Variants in MRE11 observed in about 807,000 individuals in gnomAD.
MRE11 encodes MRE11 double strand break repair nuclease.
MRE11 carries 62 observed loss-of-function variants against 91.7 expected under a neutral mutation model. The observed-to-expected ratio is 0.68, with a 90% CI of 0.55 to 0.84. The LOEUF (loss-of-function observed/expected upper bound fraction) is 0.84, where lower values mean the gene tolerates loss of function less well. MRE11 is among the 40% of genes least tolerant of loss of function. The pLI is 0.00. For missense variants in MRE11, 796 were observed against 852.9 expected (o/e 0.93, Z 0.83); for synonymous variants, 273 against 271.4 (o/e 1.01, Z -0.06).
At chr11:94,446,819 A>T (rs2134903593) in intron 15 of MRE11, among the ~76,000 whole-genome samples, 1 of 152,358 alleles carries the variant, frequency 6.6e-6, no homozygotes, top group African/African-American at 2.4e-5. Flanking sequence ...ACAGTAACAA[A>T]AATAATAATT....
intron 8 of MRE11, 24 bp downstream of exon 8, chr11:94,471,550 T>G: frequency 6.2e-7 from 1 of 1,608,988 alleles, no homozygotes; most frequent in Non-Finnish European, 8.5e-7. Flanking sequence ...TCTTAAAAAT[T>G]GGCTCAAAAT....
intron 4 of MRE11, among the ~76,000 whole-genome samples, chr11:94,483,404 T>C: frequency 6.6e-6 from 1 of 152,140 alleles, no homozygotes; most frequent in East Asian, 1.9e-4. Context: ...TCCCACGTGT[T>C]ATGGGAGGGG....
At position 94,459,414 on chromosome 11, in the gene MRE11, A is replaced by G. The variant is rs761546825; in HGVS notation, c.1494T>C (p.Asp498=). 3 of 1,613,930 alleles carry G rather than the reference A, an allele frequency of 1.9e-6. No homozygotes were observed. Among genetic ancestry groups the G allele is most frequent in the Non-Finnish European group, 2.5e-6 (3 of 1,179,880 alleles). The stretch of plus-strand genomic sequence containing the variant: ...ACTCAAATTAGTTACTTACCTCCTC[A>G]TCGATTTTGTCTTCGAGGGCATCAA... ...RHIDALEDKI[D]EEVRRFRETR... The change falls in exon 13 of 20, where the codon GAT becomes GAC. Residue 498 remains aspartate (D), a synonymous_variant. Coordinates refer to ENST00000323929, the MANE Select transcript of MRE11 (RefSeq NM_005591.4).
At chr11:94,488,314 T>C in intron 3 of MRE11, among the ~76,000 whole-genome samples, 1 of 152,100 alleles carries the variant, frequency 6.6e-6, no homozygotes, top group South Asian at 2.1e-4. Context: ...CAGATGCTGG[T>C]GAAATTACGG....
At chr11:94,475,356 T>A (rs193122585) in intron 7 of MRE11, 2 of 295,644 alleles carry the variant, frequency 6.8e-6, no homozygotes, top group African/African-American at 4.3e-5. Flanking sequence ...ATGCAAATGC[T>A]ATACCATTTT....
upstream of MRE11, chr11:94,498,222 T>C (rs755464569): frequency 6.2e-7 from 1 of 1,614,162 alleles, no homozygotes; most frequent in African/African-American, 1.3e-5. Flanking sequence ...GTTCATGCAG[T>C]GACTGTGGAT....
chr11:94,456,949 T>C (rs654718), intron 13 of MRE11, among the ~76,000 whole-genome samples: 47,797 of 152,024 alleles, frequency 0.31, 7,940 homozygotes, highest in Middle Eastern at 0.42. Flanking sequence ...TCAGCACATA[T>C]TTACTGAGCA....
At chr11:94,424,340 C>G (rs1367460392) in intron 19 of MRE11, among the ~76,000 whole-genome samples, 1 of 152,136 alleles carries the variant, frequency 6.6e-6, no homozygotes, top group Non-Finnish European at 1.5e-5. Context: ...TGAAAGCACC[C>G]AGAAACAAGG....
the MRE11 span, among the ~76,000 whole-genome samples, chr11:94,506,911 A>T: frequency 6.5e-3 from 993 of 152,206 alleles, 14 homozygotes; most frequent in African/African-American, 0.023. Flanking sequence ...TGTTTTGTGC[A>T]TATTTTTTAA....
intron 2 of MRE11, among the ~76,000 whole-genome samples, chr11:94,491,954 A>AAT (rs1947294758): frequency 6.6e-6 from 1 of 152,220 alleles, no homozygotes; most frequent in African/African-American, 2.4e-5. Flanking sequence ...GTATTTTCTC[A>AAT]TGAATTCTCT....
intron 10 of MRE11, 31 bp from the exon 11 acceptor site, chr11:94,464,270 G>A (rs1444066137): frequency 1.2e-6 from 2 of 1,613,250 alleles, no homozygotes; most frequent in East Asian, 4.5e-5. Context: ...ATGAACGCTA[G>A]GAAACAACAA....
At position 94,418,015 on chromosome 11, in the gene MRE11, T is replaced by TCC. The variant is rs1945071932; in HGVS notation, c.*2108_*2109dup. ...CCTCTGAATGTTTTCATTCCTGCTC[T>TCC]CCCAAAGCCTCCAAGAGCAAATGCA... On this transcript the variant is annotated 3_prime_UTR_variant, in exon 20 of 20. Coordinates refer to ENST00000323929, the MANE Select transcript of MRE11 (RefSeq NM_005591.4). 4.3e-6 allele frequency: 1 copy of TCC among 232,960 alleles called. No individual in the cohort carries two copies. The highest frequency in any genetic ancestry group is 1.8e-4 in the South Asian group (1 of 5,528). 14.4% of individuals were successfully genotyped at this position (232,960 alleles called of 1,614,324 possible).
Position 94,434,130 on chromosome 11 carries a change from T to A in MRE11, c.1994+1702A>T, listed in dbSNP as rs143512361. On this transcript the variant is annotated intron_variant, in intron 18 of 19. Coordinates refer to ENST00000323929, the MANE Select transcript of MRE11 (RefSeq NM_005591.4). ...GAAGAAAACATTTATCTTGGTGGAT[T>A]AGCAGTGCCCTGTAATTAGCATACC... 4.6e-5 allele frequency among the ~76,000 whole-genome samples: 7 copies of A among 152,358 alleles called. No individual in the cohort carries two copies. In the East Asian group the frequency reaches 1.4e-3, roughly 29 times the overall value.
At chr11:94,478,539 C>A (rs538509371) in intron 6 of MRE11, among the ~76,000 whole-genome samples, 196 bp downstream of exon 6, 2 of 151,996 alleles carry the variant, frequency 1.3e-5, no homozygotes, top group Non-Finnish European at 2.9e-5. Context: ...TAAAAAAAAC[C>A]CAAAATAATA....
chr11:94,491,307 C>G (rs916152377), intron 2 of MRE11, among the ~76,000 whole-genome samples: 2 of 152,140 alleles, frequency 1.3e-5, no homozygotes, highest in African/African-American at 4.8e-5. Context: ...TGTTATTTAT[C>G]TGACTTCGTA....
At chr11:94,451,613 AG>A (rs1024825378) in intron 14 of MRE11, among the ~76,000 whole-genome samples, 1 of 152,132 alleles carries the variant, frequency 6.6e-6, no homozygotes, top group Non-Finnish European at 1.5e-5. Flanking sequence ...ATCCATTACC[AG>A]GGGGTAATGG....
At chr11:94,442,083 G>A (rs3017077) in intron 16 of MRE11, among the ~76,000 whole-genome samples, 47,554 of 151,194 alleles carry the variant, frequency 0.31, 7,803 homozygotes, top group Middle Eastern at 0.42. Flanking sequence ...GAGTAAAGAG[G>A]TCTTATCATT....
At chr11:94,485,212 C>A (rs1196065990) in intron 4 of MRE11, among the ~76,000 whole-genome samples, 1 of 151,740 alleles carries the variant, frequency 6.6e-6, no homozygotes, top group Non-Finnish European at 1.5e-5. Flanking sequence ...CAAGCTCATG[C>A]CACTGTACTC....
chr11:94,479,856 C>T, intron 4 of MRE11, 95 bp from the exon 5 acceptor site: 6 of 907,196 alleles, frequency 6.6e-6, no homozygotes, highest in Non-Finnish European at 1.1e-5. Flanking sequence ...CATAGGCAAA[C>T]TGCATAATCT....
Sources: allele counts gnomAD v4.1 joint callset (sites outside exome capture counted in the v4.1 genomes callset), GRCh38; gene constraint gnomAD v4.1.1; transcripts MANE v1.5; gene names NCBI Gene and HGNC (gene_info 2026-07-23, HGNC 2026-07-21).